Variants in MET observed in about 807,000 individuals in gnomAD.
The protein encoded by MET is MET proto-oncogene, receptor tyrosine kinase.
In MET, 48 loss-of-function variants were observed where a neutral mutation model predicts 133.1. That is an observed-to-expected ratio of 0.36 (90% confidence interval 0.29 to 0.46). The LOEUF (loss-of-function observed/expected upper bound fraction) is 0.46, where lower values mean the gene tolerates loss of function less well. Ranked by LOEUF, MET falls within the 20% of genes least tolerant of loss-of-function variation. MET has a pLI of 1.00. For synonymous variants in MET, 628 were observed against 616.5 expected (o/e 1.02, Z -0.28); for missense variants, 1,442 against 1,695.9 (o/e 0.85, Z 2.63).
In MET at chr7:116,796,091, C is replaced by T. The variant is rs370368651; in HGVS notation, c.4140C>T (p.Asp1380=). The change falls in exon 21 of 21, where the codon GAC becomes GAT. Residue 1380 remains aspartate (D), a synonymous_variant. Transcript: ENST00000397752. ...AAGATAACGCTGATGATGAGGTGGA[C>T]ACACGACCAGCCTCCTTCTGGGAGA... ...SSEDNADDEV[D]TRPASFWETS The T allele has an allele frequency of 2.1e-5, 34 of 1,614,028 alleles. No individual in the cohort carries two copies. Among genetic ancestry groups the T allele is most frequent in the African/African-American group, 8.0e-5 (6 of 74,922 alleles).
intron 1 of MET, among the ~76,000 whole-genome samples, chr7:116,677,230 C>T (rs1050172567): frequency 2.0e-5 from 3 of 152,138 alleles, no homozygotes; most frequent in African/African-American, 7.2e-5. Flanking sequence ...TGGTGTGCAG[C>T]TTCTGTCTGC....
At chr7:116,721,645 C>T (rs530805731) in intron 2 of MET, among the ~76,000 whole-genome samples, 2 of 152,260 alleles carry the variant, frequency 1.3e-5, no homozygotes, top group East Asian at 3.9e-4. Context: ...TCCCTCTCCA[C>T]ACTGCTTTGA....
intron 2 of MET, among the ~76,000 whole-genome samples, chr7:116,712,730 C>A (rs199718542): frequency 2.6e-3 from 391 of 151,308 alleles, no homozygotes; most frequent in Non-Finnish European, 4.9e-3. Flanking sequence ...ATTCACCAGT[C>A]TGCAATGAAG....
intron 1 of MET, among the ~76,000 whole-genome samples, chr7:116,695,030 T>C (rs952096283): frequency 6.6e-6 from 1 of 152,232 alleles, no homozygotes; most frequent in Non-Finnish European, 1.5e-5. Context: ...ACTGCATTAA[T>C]GGACATCAAC....
At chr7:116,790,503 A>T (rs544840423) in intron 19 of MET, among the ~76,000 whole-genome samples, 2 of 152,308 alleles carry the variant, frequency 1.3e-5, no homozygotes, top group South Asian at 2.1e-4. Context: ...TTCTTTATCC[A>T]TTCATCTGTC....
At chr7:116,706,495 G>A (rs1000317282) in intron 2 of MET, among the ~76,000 whole-genome samples, 4 of 152,116 alleles carry the variant, frequency 2.6e-5, no homozygotes, top group East Asian at 1.9e-4. Flanking sequence ...CATGTGGGAT[G>A]CTGCATTGAT....
intron 1 of MET, among the ~76,000 whole-genome samples, chr7:116,688,565 T>C (rs1333372034): frequency 2.0e-5 from 3 of 152,236 alleles, no homozygotes; most frequent in East Asian, 1.9e-4. Flanking sequence ...TTCTGAACAA[T>C]ATTTTTTACA....
At chr7:116,716,957 C>T (rs1343137707) in intron 2 of MET, among the ~76,000 whole-genome samples, 2 of 151,388 alleles carry the variant, frequency 1.3e-5, no homozygotes, top group African/African-American at 2.4e-5. Flanking sequence ...TTAAATTTTG[C>T]CCCCCCCAGC....
chr7:116,681,647 T>G (rs1236317966), intron 1 of MET, among the ~76,000 whole-genome samples: 1 of 152,206 alleles, frequency 6.6e-6, no homozygotes, highest in Non-Finnish European at 1.5e-5. Flanking sequence ...TCACTACTTG[T>G]CTTTTGGCTC....
At chr7:116,695,039 A>T (rs1381450027) in intron 1 of MET, among the ~76,000 whole-genome samples, 1 of 152,198 alleles carries the variant, frequency 6.6e-6, no homozygotes, top group East Asian at 1.9e-4. Context: ...ATGGACATCA[A>T]CTAACATGCA....
At chr7:116,680,393 A>G (rs1456907776) in intron 1 of MET, among the ~76,000 whole-genome samples, 1 of 152,236 alleles carries the variant, frequency 6.6e-6, no homozygotes, top group Admixed American at 6.5e-5. Flanking sequence ...ATGCCTGAGT[A>G]TTTGAACAGT....
In MET at chr7:116,763,267, A is replaced by T. The variant is rs895820328; in HGVS notation, c.2582A>T (p.Lys861Met). Residue 861 changes from lysine to methionine, a missense_variant and splice_region_variant, in exon 11 of 21, where the codon AAG (lysine) becomes ATG (methionine). Coordinates refer to ENST00000397752, the MANE Select transcript of MET (RefSeq NM_000245.4). ...SMGNENVLEI[K>M]GNDIDPEAVK... is the part of the protein sequence containing the mutation. ...GGCAATGAAAATGTACTGGAAATTA[A>T]GGTAAGAAATGCTTTAAACACTGTC... 6.2e-7 allele frequency: 1 copy of T among 1,613,076 alleles called. No homozygotes were observed. Among genetic ancestry groups the T allele is most frequent in the Non-Finnish European group, 8.5e-7 (1 of 1,179,220 alleles).
chr7:116,770,363 A>T (rs949317105), intron 12 of MET, among the ~76,000 whole-genome samples: 16 of 152,198 alleles, frequency 1.1e-4, no homozygotes, highest in African/African-American at 3.1e-4. Context: ...GAAAGTGCAC[A>T]GTTCAATGGG....
intron 4 of MET, 36 bp downstream of exon 4, chr7:116,740,120 GTT>G: frequency 6.2e-7 from 1 of 1,613,270 alleles, no homozygotes; most frequent in Non-Finnish European, 8.5e-7. Flanking sequence ...CATAGACGTG[GTT>G]TTTCCCAAAT....
intron 12 of MET, among the ~76,000 whole-genome samples, chr7:116,770,921 T>C (rs571532416): frequency 2.6e-5 from 4 of 152,278 alleles, no homozygotes; most frequent in Admixed American, 2.6e-4. Context: ...AATCATGAGA[T>C]CAGAGTTGGA....
intron 1 of MET, among the ~76,000 whole-genome samples, chr7:116,677,740 C>T (rs1796210132): frequency 6.6e-6 from 1 of 152,148 alleles, no homozygotes; most frequent in African/African-American, 2.4e-5. Flanking sequence ...TTTTTTAAAA[C>T]CAATATTTTA....
chr7:116,694,692 G>C (rs575862671), intron 1 of MET, among the ~76,000 whole-genome samples: 1 of 151,830 alleles, frequency 6.6e-6, no homozygotes, highest in Admixed American at 6.6e-5. Flanking sequence ...TTTTGTTTTT[G>C]TTTTTATTTT....
Position 116,769,327 on chromosome 7 carries a change from C to T in MET, c.2584-318C>T, listed in dbSNP as rs1472133668. ...CTTTTTTGCCAAACATTGATACCCC[C>T]TGAGGACAATGGTGAGGTGATGATA... On this transcript the variant is annotated intron_variant, in intron 11 of 20. Transcript: ENST00000397752. Among the ~76,000 whole-genome samples the T allele has an allele frequency of 2.0e-5, 3 of 152,158 alleles. No homozygotes were observed. The East Asian group carries it at 5.8e-4, about 29-fold the overall frequency.
At chr7:116,701,634 A>G (rs931060865) in intron 2 of MET, among the ~76,000 whole-genome samples, 1 of 152,170 alleles carries the variant, frequency 6.6e-6, no homozygotes, top group Admixed American at 6.6e-5. Context: ...ACTAAGACTT[A>G]TTTCCCCCTA....
Sources: gnomAD v4.1 joint callset for allele counts (sites outside exome capture counted in the v4.1 genomes callset) on GRCh38, gnomAD v4.1.1 for gene constraint, MANE v1.5 for transcripts, NCBI Gene and HGNC (gene_info 2026-07-23, HGNC 2026-07-21) for gene names.